CNTNAP2: variants seen among roughly 807,000 people sequenced by gnomAD.
CNTNAP2 encodes contactin associated protein 2, also known as contactin-associated protein-like 2.
CNTNAP2 carries 98 observed loss-of-function variants against 155.2 expected under a neutral mutation model. The observed-to-expected ratio is 0.63, with a 90% CI of 0.54 to 0.75. The LOEUF is 0.75. CNTNAP2 is among the 30% of genes least tolerant of loss of function. CNTNAP2 has a pLI of 0.00. For missense variants in CNTNAP2, 1,727 were observed against 1,688.1 expected (o/e 1.02, Z -0.40); for synonymous variants, 651 against 631.2 (o/e 1.03, Z -0.47).
At chr7:147,441,809 C>CTCTT (rs1182442586) in intron 10 of CNTNAP2, among the ~76,000 whole-genome samples, 2 of 119,654 alleles carry the variant, frequency 1.7e-5, no homozygotes, top group Admixed American at 8.9e-5. Flanking sequence ...CAAATGTAGT[C>CTCTT]TCTTTCTCTC....
chr7:147,600,896 G>C (rs546068818), intron 12 of CNTNAP2, among the ~76,000 whole-genome samples: 2 of 152,072 alleles, frequency 1.3e-5, no homozygotes, highest in Non-Finnish European at 2.9e-5. Context: ...TGTGATGTAG[G>C]TCATGGTGAT....
chr7:146,537,995 G>T (rs181452750), intron 1 of CNTNAP2, among the ~76,000 whole-genome samples: 15 of 152,130 alleles, frequency 9.9e-5, no homozygotes, highest in Admixed American at 9.2e-4. Context: ...ATTTACATTT[G>T]AAAAGGATTA....
chr7:147,860,589 C>CAAAAAAA (rs11342244), intron 13 of CNTNAP2, among the ~76,000 whole-genome samples: 3,792 of 124,070 alleles, frequency 0.031, 110 homozygotes, highest in Non-Finnish European at 0.049. Flanking sequence ...GACTCTGTCT[C>CAAAAAAA]AAAAAAAAAA....
chr7:147,164,080 C>G (rs556303230), intron 8 of CNTNAP2, among the ~76,000 whole-genome samples: 1 of 152,256 alleles, frequency 6.6e-6, no homozygotes, highest in Non-Finnish European at 1.5e-5. Flanking sequence ...AAATGGAAGA[C>G]TTTATTCTCA....
chr7:147,051,040 A>T (rs1799461463), intron 4 of CNTNAP2, among the ~76,000 whole-genome samples: 2 of 151,994 alleles, frequency 1.3e-5, no homozygotes, highest in African/African-American at 4.8e-5. Context: ...TGGAATTAGG[A>T]TCTACCCTAA....
intron 15 of CNTNAP2, among the ~76,000 whole-genome samples, chr7:148,060,105 A>T (rs972107409): frequency 6.6e-6 from 1 of 152,204 alleles, no homozygotes; most frequent in East Asian, 1.9e-4. Flanking sequence ...TCAACAAAGT[A>T]TTATAACTAA....
intron 1 of CNTNAP2, among the ~76,000 whole-genome samples, chr7:146,656,605 G>T (rs1799999271): frequency 6.6e-6 from 1 of 152,154 alleles, no homozygotes; most frequent in Non-Finnish European, 1.5e-5. Context: ...GGCTTAACAG[G>T]TGTGCCAATG....
intron 1 of CNTNAP2, among the ~76,000 whole-genome samples, chr7:146,736,737 A>G (rs1221998571): frequency 6.6e-6 from 1 of 152,186 alleles, no homozygotes; most frequent in East Asian, 1.9e-4. Flanking sequence ...GGACAGAAAA[A>G]TAATCAAATG....
intron 8 of CNTNAP2, among the ~76,000 whole-genome samples, chr7:147,257,812 A>G (rs926070943): frequency 6.6e-6 from 1 of 152,216 alleles, no homozygotes; most frequent in Non-Finnish European, 1.5e-5. Flanking sequence ...CATGAAAAAT[A>G]TGGAACTTGG....
chr7:146,521,507 C>A (rs1797616556), intron 1 of CNTNAP2, among the ~76,000 whole-genome samples: 2 of 151,842 alleles, frequency 1.3e-5, no homozygotes, highest in African/African-American at 4.8e-5. Flanking sequence ...AGGTGAACTG[C>A]ATTTACAATT....
intron 1 of CNTNAP2, among the ~76,000 whole-genome samples, chr7:146,508,222 G>A (rs1478820406): frequency 2.0e-5 from 3 of 152,190 alleles, no homozygotes; most frequent in Non-Finnish European, 4.4e-5. Flanking sequence ...ATGGGTGGAA[G>A]TAACCTGTCG....
intron 8 of CNTNAP2, among the ~76,000 whole-genome samples, chr7:147,147,436 C>A (rs914449864): frequency 1.3e-5 from 2 of 152,094 alleles, no homozygotes; most frequent in African/African-American, 4.8e-5. Flanking sequence ...CACAAAAAAC[C>A]TCTATTATTT....
chr7:148,200,276 A>G (rs1795347262), intron 18 of CNTNAP2, among the ~76,000 whole-genome samples: 1 of 152,248 alleles, frequency 6.6e-6, no homozygotes, highest in African/African-American at 2.4e-5. Context: ...TTGATAAAAT[A>G]TTAGATATAC....
chr7:147,285,257 C>A (rs1805150445), intron 8 of CNTNAP2, among the ~76,000 whole-genome samples: 1 of 151,296 alleles, frequency 6.6e-6, no homozygotes, highest in Non-Finnish European at 1.5e-5. Context: ...TTGGGAATTT[C>A]TGAGCCCCTG....
chr7:146,927,088 T>A (rs4493828), intron 3 of CNTNAP2, among the ~76,000 whole-genome samples: 111,268 of 151,992 alleles, frequency 0.73, 41,953 homozygotes, highest in African/African-American at 0.91. Context: ...GCAGACAACT[T>A]ACTGTAAAAT....
chr7:147,629,703 A>T (rs1305983208), intron 12 of CNTNAP2, among the ~76,000 whole-genome samples: 1 of 152,096 alleles, frequency 6.6e-6, no homozygotes, highest in Non-Finnish European at 1.5e-5. Context: ...AATACTTGGA[A>T]ATTAAATCAC....
chr7:147,596,474 G>T (rs1331459157), intron 12 of CNTNAP2, among the ~76,000 whole-genome samples: 1 of 151,972 alleles, frequency 6.6e-6, no homozygotes, highest in Non-Finnish European at 1.5e-5. Context: ...CGATTGTTTT[G>T]CTTCCCTGCT....
intron 13 of CNTNAP2, among the ~76,000 whole-genome samples, chr7:147,714,310 C>A (rs1397780167): frequency 1.3e-5 from 2 of 151,776 alleles, no homozygotes; most frequent in African/African-American, 4.8e-5. Flanking sequence ...CTGAAATGAT[C>A]CACATGATAA....
intron 1 of CNTNAP2, among the ~76,000 whole-genome samples, chr7:146,204,919 A>C (rs990223647): frequency 6.6e-6 from 1 of 152,056 alleles, no homozygotes; most frequent in Non-Finnish European, 1.5e-5. Context: ...TAAAATGTAT[A>C]AAATATACTT....
Sources: gnomAD v4.1 joint callset for allele counts (sites outside exome capture counted in the v4.1 genomes callset) on GRCh38, gnomAD v4.1.1 for gene constraint, MANE v1.5 for transcripts, NCBI Gene and HGNC (gene_info 2026-07-23, HGNC 2026-07-21) for gene names.